Variants in FBXO16 observed in about 807,000 individuals in gnomAD.
FBXO16 encodes F-box protein 16.
A neutral mutation model predicts 41.0 loss-of-function variants in FBXO16; 31 were observed. That is an observed-to-expected ratio of 0.76 (90% CI 0.57 to 1.02). The LOEUF is 1.02. Ranked by LOEUF, FBXO16 falls within the 50% of genes least tolerant of loss-of-function variation. The pLI is 0.00. For synonymous variants in FBXO16, 133 were observed against 117.8 expected, an observed-to-expected ratio of 1.13 and a Z score of -0.84; for missense variants, 361 against 346.2, an observed-to-expected ratio of 1.04 and a Z score of -0.34.
At chr8:28,459,919 G>C (rs929670248) in intron 4 of FBXO16, among the ~76,000 whole-genome samples, 3 of 150,884 alleles carry the variant, frequency 2.0e-5, no homozygotes, top group African/African-American at 7.3e-5. Flanking sequence ...TCAGCTACTC[G>C]AGATTCTGAG....
Position 28,452,299 on chromosome 8 carries a change from T to A in FBXO16, c.685A>T (p.Ile229Phe). The part of the protein sequence containing the change: ...WRSSDKHPTD[I>F]IRFNYLDNRD... ...TTGTCTAGGTAATTAAAACGAATGATATCTGTTGGGTGCTTATCAGAAGAT... is the reference window on the plus strand; with the variant it reads ...TTGTCTAGGTAATTAAAACGAATGAAATCTGTTGGGTGCTTATCAGAAGAT... Residue 229 changes from isoleucine (I) to phenylalanine (F), a missense_variant, in exon 6 of 9, where the codon ATC (isoleucine) becomes TTC (phenylalanine). Ile to Phe is a conservative substitution (Grantham distance 21, BLOSUM62 0). Coordinates refer to ENST00000380254, the MANE Select transcript of FBXO16 (RefSeq NM_172366.4). 4.3e-6 allele frequency: 7 copies of A among 1,614,200 alleles called. No homozygotes were observed. Among genetic ancestry groups the A allele is most frequent in the Non-Finnish European group, 5.9e-6 (7 of 1,180,038 alleles).
At chr8:28,481,711 G>A (rs6983983) in intron 2 of FBXO16, among the ~76,000 whole-genome samples, 68,047 of 151,320 alleles carry the variant, frequency 0.45, 15,780 homozygotes, top group East Asian at 0.69. Context: ...TCAGGAGGCT[G>A]AGGCAACAGA....
intron 7 of FBXO16, among the ~76,000 whole-genome samples, chr8:28,445,175 C>CA (rs1044410283): frequency 4.1e-4 from 62 of 152,202 alleles, no homozygotes; most frequent in African/African-American, 1.3e-3. Context: ...AGTATATTTA[C>CA]AAAAAACACA....
At chr8:28,457,919 T>C (rs1803062752) in intron 4 of FBXO16, among the ~76,000 whole-genome samples, 1 of 152,202 alleles carries the variant, frequency 6.6e-6, no homozygotes, top group African/African-American at 2.4e-5. Context: ...GAGATGGCCC[T>C]ACTATGTGTA....
At chr8:28,433,102 CAT>C (rs200520521) in intron 7 of FBXO16, among the ~76,000 whole-genome samples, 10,998 of 148,728 alleles carry the variant, frequency 0.074, 1,381 homozygotes, top group African/African-American at 0.26. Context: ...ACAAACAAAA[CAT>C]AACAACAACA....
In FBXO16 at chr8:28,430,286, C is replaced by A. The variant is rs140746510; in HGVS notation, c.844-883G>T. Among the ~76,000 whole-genome samples, 62 of 152,202 alleles carry A rather than the reference C, an allele frequency of 4.1e-4. No individual in the cohort carries two copies. In the East Asian group the frequency reaches 7.1e-3, roughly 18 times the overall value. On this transcript the variant is annotated intron_variant, in intron 7 of 8. Coordinates refer to ENST00000380254, the MANE Select transcript of FBXO16 (RefSeq NM_172366.4). ...AGAGATGAGGGTCTTCCTATGTTGC[C>A]TAGGCTGGTCCTGAACTCCCGAGCT...
chr8:28,459,251 T>G (rs1803085323), intron 4 of FBXO16, among the ~76,000 whole-genome samples: 1 of 152,172 alleles, frequency 6.6e-6, no homozygotes, highest in African/African-American at 2.4e-5. Flanking sequence ...TATATATAAC[T>G]TAAAATCTTT....
At position 28,483,342 on chromosome 8, in the gene FBXO16, A is replaced by G; in HGVS notation, c.99+6T>C. ...TTCAATTGTTAAAATAGTTCTGGTC[A>G]CTTACCCGGTCATTCAATAGCTGAT... On this transcript the variant is annotated splice_donor_region_variant and intron_variant, in intron 2 of 8. Transcript: ENST00000380254. The G allele has an allele frequency of 6.2e-7, 1 of 1,601,660 alleles. No individual in the cohort carries two copies. Among genetic ancestry groups the G allele is most frequent in the Non-Finnish European group, 8.5e-7 (1 of 1,176,210 alleles).
chr8:28,477,189 C>T (rs1803436209), intron 2 of FBXO16, among the ~76,000 whole-genome samples: 1 of 151,978 alleles, frequency 6.6e-6, no homozygotes, highest in African/African-American at 2.4e-5. Context: ...AATCCTGTGA[C>T]TCTTATTTTA....
intron 4 of FBXO16, among the ~76,000 whole-genome samples, chr8:28,457,949 AC>A (rs1189170938): frequency 1.6e-4 from 25 of 152,300 alleles, no homozygotes; most frequent in African/African-American, 6.0e-4. Context: ...ATAATAATTT[AC>A]CCAAGGGTTT....
Position 28,430,942 on chromosome 8 carries a change from G to A in FBXO16, c.844-1539C>T, listed in dbSNP as rs375468851. Among the ~76,000 whole-genome samples, 34 of 152,254 alleles carry A rather than the reference G, an allele frequency of 2.2e-4. 1 individual carries two copies. In the South Asian group the frequency reaches 4.6e-3, roughly 20 times the overall value. On this transcript the variant is annotated intron_variant, in intron 7 of 8. Coordinates refer to ENST00000380254, the MANE Select transcript of FBXO16 (RefSeq NM_172366.4). Reference sequence around the variant, plus strand: ...AGCAAGACCGCGCCATTGCACTCCAGCCTGGGCAACATGAGTGAAACTCCA... The same window carrying A: ...AGCAAGACCGCGCCATTGCACTCCAACCTGGGCAACATGAGTGAAACTCCA...
At chr8:28,473,734 C>G (rs1472226360) in intron 3 of FBXO16, 38 bp downstream of exon 3, 1 of 1,557,010 alleles carries the variant, frequency 6.4e-7, no homozygotes, top group Admixed American at 1.7e-5. Context: ...AAACAGATAA[C>G]ATAACATAAT....
intron 5 of FBXO16, 71 bp downstream of exon 5, chr8:28,456,695 C>T: frequency 6.5e-7 from 1 of 1,549,614 alleles, no homozygotes; most frequent in Non-Finnish European, 8.8e-7. Flanking sequence ...CAGTCTGATC[C>T]TTTATTCTTA....
chr8:28,475,666 C>T (rs1183980403), intron 2 of FBXO16, among the ~76,000 whole-genome samples: 1 of 152,224 alleles, frequency 6.6e-6, no homozygotes, highest in Non-Finnish European at 1.5e-5. Flanking sequence ...TTAGACCTTA[C>T]AGTGTTTGTT....
rs112931330 is a variant in FBXO16 at position 28,463,506 on chromosome 8, A to G, written c.342+106T>C. The stretch of plus-strand genomic sequence containing the variant: ...TGTGTGTTTGTGTGTATGTGTATAT[A>G]TGTGTGTGTGTGTATGCCTGTGTTT... On this transcript the variant is annotated intron_variant, in intron 4 of 8. Coordinates refer to ENST00000380254, the MANE Select transcript of FBXO16 (RefSeq NM_172366.4). 1,037 of 1,042,126 alleles carry G rather than the reference A, an allele frequency of 1.0e-3. 11 individuals are homozygous for G. In the African/African-American group the frequency reaches 0.015, roughly 15 times the overall value. The allele number at this position is 1,042,126 out of a possible 1,614,324, so 64.6% of individuals were successfully genotyped here.
At chr8:28,445,741 C>T (rs2130110953) in intron 7 of FBXO16, among the ~76,000 whole-genome samples, 1 of 152,310 alleles carries the variant, frequency 6.6e-6, no homozygotes, top group African/African-American at 2.4e-5. Flanking sequence ...GCTCATCTCT[C>T]TCTCTCTTTC....
At chr8:28,468,445 T>C (rs1314968588) in intron 3 of FBXO16, among the ~76,000 whole-genome samples, 1 of 152,220 alleles carries the variant, frequency 6.6e-6, no homozygotes, top group Non-Finnish European at 1.5e-5. Context: ...TTCTGTTGAC[T>C]TATTGGTTAT....
At chr8:28,463,393 T>C (rs967131260) in intron 4 of FBXO16, among the ~76,000 whole-genome samples, 1 of 151,666 alleles carries the variant, frequency 6.6e-6, no homozygotes, top group South Asian at 2.1e-4. Flanking sequence ...TGTGTTTGTG[T>C]TTGTATGTAT....
chr8:28,444,130 C>A (rs1479721637), intron 7 of FBXO16, among the ~76,000 whole-genome samples: 1 of 152,058 alleles, frequency 6.6e-6, no homozygotes, highest in Non-Finnish European at 1.5e-5. Context: ...ATTCATGTAT[C>A]AAATGAATAC....
Sources: gnomAD v4.1 joint callset for allele counts (sites outside exome capture counted in the v4.1 genomes callset) on GRCh38, gnomAD v4.1.1 for gene constraint, MANE v1.5 for transcripts, NCBI Gene and HGNC (gene_info 2026-07-23, HGNC 2026-07-21) for gene names.